TPP2: variants seen among roughly 807,000 people sequenced by gnomAD.
TPP2 encodes the protein tripeptidyl peptidase 2, also known as tripeptidyl-peptidase 2.
TPP2 carries 34 observed loss-of-function variants against 155.9 expected under a neutral mutation model. That is an observed-to-expected ratio of 0.22 (90% CI 0.17 to 0.29). TPP2 has a LOEUF of 0.29. Among genes scored for constraint, TPP2 ranks in the 10% least tolerant of loss-of-function variants. The pLI is 1.00. For synonymous variants in TPP2, 510 were observed against 529.4 expected (o/e 0.96, Z 0.50); for missense variants, 1,028 against 1,522.3 (o/e 0.68, Z 5.40).
At chr13:102,652,999 T>C (rs754830519) in intron 24 of TPP2, among the ~76,000 whole-genome samples, 6 of 152,240 alleles carry the variant, frequency 3.9e-5, no homozygotes, top group Admixed American at 6.5e-5. Flanking sequence ...TTATTTTTCT[T>C]CTTATTTTTG....
rs1009692263 is a variant in TPP2 at position 102,664,988 on chromosome 13, G to A, written c.3371+63G>A. On this transcript the variant is annotated intron_variant, in intron 27 of 29. Coordinates refer to ENST00000376052, the MANE Select transcript of TPP2 (RefSeq NM_001330588.2). ...TCCTAGTTAACTTGTTTAAAAAGTA[G>A]GGACTAATATTATAGAGGATATTGC... The A allele has an allele frequency of 2.5e-6, 4 of 1,584,306 alleles. 1 individual carries two copies.
At chr13:102,669,454 A>G (rs1884824331) in intron 27 of TPP2, among the ~76,000 whole-genome samples, 1 of 152,222 alleles carries the variant, frequency 6.6e-6, no homozygotes, top group Non-Finnish European at 1.5e-5. Flanking sequence ...TTAAAAGAAG[A>G]TGTTTAATAA....
intron 1 of TPP2, among the ~76,000 whole-genome samples, chr13:102,603,262 G>A (rs1879568648): frequency 6.6e-6 from 1 of 152,214 alleles, no homozygotes; most frequent in African/African-American, 2.4e-5. Context: ...CGTGAATAAA[G>A]TAGACATGGC....
At chr13:102,636,958 G>C in intron 13 of TPP2, 124 bp from the exon 14 acceptor site, 1 of 882,608 alleles carries the variant, frequency 1.1e-6, no homozygotes, top group Non-Finnish European at 1.7e-6. Context: ...TTTAAGCTGT[G>C]TTTTGGATGC....
chr13:102,636,942 GT>G, intron 13 of TPP2, 139 bp from the exon 14 acceptor site: 2 of 774,288 alleles, frequency 2.6e-6, no homozygotes, highest in Non-Finnish European at 4.0e-6. Flanking sequence ...TTATTTGACT[GT>G]TTTATTTAAG....
chr13:102,666,782 T>TTC (rs1884631961), intron 27 of TPP2, among the ~76,000 whole-genome samples: 1 of 144,978 alleles, frequency 6.9e-6, no homozygotes, highest in Non-Finnish European at 1.5e-5. Flanking sequence ...TTTTTTTTTT[T>TTC]TTTTTTTTTA....
chr13:102,601,689 T>G (rs1487957568), intron 1 of TPP2, among the ~76,000 whole-genome samples: 1 of 152,194 alleles, frequency 6.6e-6, no homozygotes, highest in East Asian at 1.9e-4. Context: ...TATAGTTCCA[T>G]TGTTAGCAGT....
At chr13:102,639,890 A>G (rs912851193) in intron 15 of TPP2, among the ~76,000 whole-genome samples, 15 of 152,240 alleles carry the variant, frequency 9.9e-5, no homozygotes, top group African/African-American at 3.6e-4. Context: ...TAGCTATAAT[A>G]CCAGTGACAT....
intron 10 of TPP2, among the ~76,000 whole-genome samples, chr13:102,633,439 A>G (rs1355571259): frequency 1.3e-5 from 2 of 152,338 alleles, no homozygotes; most frequent in Admixed American, 6.5e-5. Flanking sequence ...TGAAATGCTA[A>G]TATTTTTGCT....
intron 27 of TPP2, among the ~76,000 whole-genome samples, chr13:102,671,782 C>T (rs748317259): frequency 1.2e-4 from 18 of 152,164 alleles, no homozygotes; most frequent in South Asian, 8.3e-4. Context: ...TATCTTTGCC[C>T]GGTAACAGCG....
chr13:102,652,399 T>TAC (rs1365354846), intron 24 of TPP2, among the ~76,000 whole-genome samples: 40 of 638 alleles, frequency 0.063, 1 homozygote, highest in African/African-American at 0.33. Context: ...CATACATACA[T>TAC]ATATATATAT....
intron 29 of TPP2, among the ~76,000 whole-genome samples, chr13:102,677,194 G>C (rs1885324310): frequency 6.6e-6 from 1 of 152,084 alleles, no homozygotes; most frequent in South Asian, 2.1e-4. Flanking sequence ...TTTTAAATTA[G>C]CTCCTCCAGA....
intron 27 of TPP2, among the ~76,000 whole-genome samples, chr13:102,669,494 T>C (rs974277249): frequency 2.6e-5 from 4 of 152,172 alleles, no homozygotes; most frequent in African/African-American, 9.7e-5. Flanking sequence ...AGGAAGAGCA[T>C]GTATGCTAAT....
In TPP2 at chr13:102,676,154, CA is replaced by C. The variant is rs1480563812; in HGVS notation, c.3580-139del. ...TTTTGAAGACACCAATTTTCTTTTT[CA>C]AAGTTTTTAAAAATGTACTCTATGT... is the stretch of plus-strand genomic sequence containing the variant. On this transcript the variant is annotated intron_variant, in intron 28 of 29. Transcript: ENST00000376052. 22 of 759,738 alleles carry C rather than the reference CA, an allele frequency of 2.9e-5. No individual in the cohort carries two copies. The East Asian group carries it at 7.6e-4, about 26-fold the overall frequency. The allele number at this position is 759,738 out of a possible 1,614,324, so 47.1% of individuals were successfully genotyped here.
chr13:102,648,943 C>A lies in TPP2; in HGVS notation c.2665C>A (p.Arg889=). ...LKLEKGDYTI[R]LQIRHEQISD... Reference sequence around the variant, plus strand: ...ACTGGAGAAAGGAGATTATACAATTCGACTACAGATTCGCCATGAGCAAAT... The same window carrying A: ...ACTGGAGAAAGGAGATTATACAATTAGACTACAGATTCGCCATGAGCAAAT... Residue 889 remains arginine, a synonymous_variant, in exon 22 of 30, where the codon CGA becomes AGA. Coordinates refer to ENST00000376052, the MANE Select transcript of TPP2 (RefSeq NM_001330588.2). 1.2e-6 allele frequency: 2 copies of A among 1,609,634 alleles called. No homozygotes were observed. The highest frequency in any genetic ancestry group is 1.1e-5 in the South Asian group (1 of 89,854).
chr13:102,625,007 G>A (rs1881478912), intron 6 of TPP2, among the ~76,000 whole-genome samples: 2 of 147,092 alleles, frequency 1.4e-5, no homozygotes, highest in African/African-American at 2.5e-5. Flanking sequence ...TTACAGGCGC[G>A]TACCACCACA....
chr13:102,630,581 G>A (rs1378638646), intron 10 of TPP2, among the ~76,000 whole-genome samples: 1 of 152,088 alleles, frequency 6.6e-6, no homozygotes, highest in Non-Finnish European at 1.5e-5. Context: ...CACAGTCATA[G>A]GGCCCACGTA....
chr13:102,599,582 A>G (rs1566311338), intron 1 of TPP2, among the ~76,000 whole-genome samples: 1 of 152,228 alleles, frequency 6.6e-6, no homozygotes, highest in Non-Finnish European at 1.5e-5. Context: ...GGAAGAACAC[A>G]GTGGGTTGTC....
At chr13:102,625,233 C>T (rs1348678063) in intron 6 of TPP2, among the ~76,000 whole-genome samples, 3 of 143,596 alleles carry the variant, frequency 2.1e-5, no homozygotes, top group Non-Finnish European at 4.5e-5. Context: ...GGCGCGATCT[C>T]GGCTCACTGC....
Sources: gnomAD v4.1 joint callset for allele counts (sites outside exome capture counted in the v4.1 genomes callset) on GRCh38, gnomAD v4.1.1 for gene constraint, MANE v1.5 for transcripts, NCBI Gene and HGNC (gene_info 2026-07-23, HGNC 2026-07-21) for gene names.